CAND1: variants seen among roughly 807,000 people sequenced by gnomAD.
CAND1 encodes cullin associated and neddylation dissociated 1, also known as cullin-associated NEDD8-dissociated protein 1.
Under a neutral mutation model 108.5 loss-of-function variants are expected in CAND1, and 7 were observed. That is an observed-to-expected ratio of 0.06 (90% confidence interval 0.04 to 0.12). CAND1 has a LOEUF of 0.12. Among genes scored for constraint, CAND1 ranks in the 10% least tolerant of loss-of-function variants. The pLI is 1.00. For missense variants in CAND1, 941 were observed against 1,448.7 expected, an observed-to-expected ratio of 0.65 and a Z score of 5.69; for synonymous variants, 534 against 512.0, an observed-to-expected ratio of 1.04 and a Z score of -0.58.
intron 1 of CAND1, chr12:67,270,187 G>T (rs2044506366): frequency 1.1e-5 from 2 of 180,988 alleles, no homozygotes; most frequent in Non-Finnish European, 2.3e-5. Context: ...ATCCTGCGGC[G>T]CTAGGCCGCC....
At chr12:67,298,203 A>G (rs1244066894) in intron 6 of CAND1, among the ~76,000 whole-genome samples, 1 of 152,210 alleles carries the variant, frequency 6.6e-6, no homozygotes, top group Non-Finnish European at 1.5e-5. Context: ...TTGCCTTTTC[A>G]ACAATTTCTT....
intron 11 of CAND1, among the ~76,000 whole-genome samples, chr12:67,308,887 G>A (rs1250772935): frequency 6.6e-6 from 1 of 151,712 alleles, no homozygotes; most frequent in African/African-American, 2.4e-5. Flanking sequence ...TACAGTATCT[G>A]AAGTCTCTCT....
chr12:67,279,200 A>C (rs112673564), intron 1 of CAND1, among the ~76,000 whole-genome samples: 11 of 152,028 alleles, frequency 7.2e-5, no homozygotes, highest in African/African-American at 2.7e-4. Context: ...AGTAATTTAA[A>C]TTCCAAACCA....
Position 67,305,233 on chromosome 12 carries a change from C to T in CAND1, c.1565C>T (p.Pro522Leu), listed in dbSNP as rs2044867646. 4 of 1,614,184 alleles carry T rather than the reference C, an allele frequency of 2.5e-6. No individual in the cohort carries two copies. The highest frequency in any genetic ancestry group is 3.4e-6 in the Non-Finnish European group (4 of 1,180,032). Residue 522 changes from proline to leucine, a missense_variant, in exon 10 of 15, where the codon CCT becomes CTT. Around this residue, in one of 9 missense-constraint regions of CAND1, gnomAD observed 697 missense variants for 942.0 expected, o/e 0.74. Coordinates refer to ENST00000545606, the MANE Select transcript of CAND1 (RefSeq NM_018448.5). This position sits in a 1 kb window ranked among gnomAD's most constrained non-coding sequence, Gnocchi z 4.4. ...CATCCTCACGTTCAGGCTTTGGTTC[C>T]TCCAGTGGTGGCTTGTGTTGGAGAC... is the stretch of plus-strand genomic sequence containing the variant. Reference protein sequence around the residue: ...VFHPHVQALVPPVVACVGDPF... With the variant: ...VFHPHVQALVLPVVACVGDPF...
intron 2 of CAND1, among the ~76,000 whole-genome samples, chr12:67,286,523 ACT>A (rs1168815363): frequency 6.7e-6 from 1 of 148,558 alleles, no homozygotes; most frequent in African/African-American, 2.5e-5. Flanking sequence ...TTCCCTGATA[ACT>A]AATGATGTCA....
At chr12:67,308,252 GA>G (rs893327303) in intron 11 of CAND1, among the ~76,000 whole-genome samples, 6 of 151,538 alleles carry the variant, frequency 4.0e-5, no homozygotes, top group African/African-American at 1.5e-4. Flanking sequence ...GTGCCAGAAA[GA>G]AAAAAAATAC....
At chr12:67,286,511 A>G (rs1592609379) in intron 2 of CAND1, among the ~76,000 whole-genome samples, 1 of 146,918 alleles carries the variant, frequency 6.8e-6, no homozygotes, top group African/African-American at 2.5e-5. Context: ...TTTAATTTCT[A>G]TTTCCCTGAT....
chr12:67,312,251 G>A (rs999841583), intron 14 of CAND1, among the ~76,000 whole-genome samples: 1 of 151,908 alleles, frequency 6.6e-6, no homozygotes, highest in Admixed American at 6.6e-5. Flanking sequence ...TTGAAAAAGT[G>A]AATAATAGAG....
At chr12:67,308,521 G>A (rs2044912860) in intron 11 of CAND1, among the ~76,000 whole-genome samples, 1 of 152,070 alleles carries the variant, frequency 6.6e-6, no homozygotes, top group South Asian at 2.1e-4. Flanking sequence ...CAACCAGTAT[G>A]CATTGTTGAT....
chr12:67,312,533 T>G (rs561362949), intron 14 of CAND1, 73 bp from the exon 15 acceptor site: 2 of 918,960 alleles, frequency 2.2e-6, no homozygotes, highest in South Asian at 1.8e-5. Context: ...CAGGAAGATC[T>G]TATGTGCTTA....
intron 11 of CAND1, among the ~76,000 whole-genome samples, chr12:67,307,803 G>T (rs1320074403): frequency 6.6e-6 from 1 of 151,930 alleles, no homozygotes; most frequent in African/African-American, 2.4e-5. Context: ...AAAGATACTA[G>T]ATTTATATGG....
intron 1 of CAND1, chr12:67,270,200 G>T (rs935824623): frequency 1.2e-5 from 2 of 170,092 alleles, no homozygotes; most frequent in Non-Finnish European, 2.5e-5. Flanking sequence ...AGGCCGCCTT[G>T]CTCGCTGGGG....
intron 1 of CAND1, among the ~76,000 whole-genome samples, chr12:67,275,386 G>A (rs1230906826): frequency 6.6e-6 from 1 of 151,968 alleles, no homozygotes; most frequent in Non-Finnish European, 1.5e-5. Flanking sequence ...AATTAGCCGG[G>A]CATGGTGGTG....
intron 8 of CAND1, 80 bp from the exon 9 acceptor site, chr12:67,304,525 C>T: frequency 7.1e-7 from 1 of 1,411,206 alleles, no homozygotes; most frequent in East Asian, 2.3e-5. Context: ...TCCCTTTATC[C>T]TCATTCTCCA....
Position 67,286,120 on chromosome 12 carries a change from G to C in CAND1, c.212+4067G>C, listed in dbSNP as rs182888968. Among the ~76,000 whole-genome samples the C allele has an allele frequency of 3.7e-3, 569 of 152,106 alleles. 3 individuals carry two copies. The highest frequency in any genetic ancestry group is 0.013 in the African/African-American group (539 of 41,478). On this transcript the variant is annotated intron_variant, in intron 2 of 14. Transcript: ENST00000545606. ...CCTCCCGGGTTCACTCCATTCTCCT[G>C]CCTGAGCCTCCTGACTAGCTGGGAC...
At chr12:67,281,327 C>T (rs1426600591) in intron 1 of CAND1, among the ~76,000 whole-genome samples, 3 of 151,186 alleles carry the variant, frequency 2.0e-5, no homozygotes, top group Non-Finnish European at 2.9e-5. Context: ...AAGACTCCCT[C>T]TACAAAAAAA....
At chr12:67,284,661 A>G (rs2044651353) in intron 2 of CAND1, among the ~76,000 whole-genome samples, 1 of 118,664 alleles carries the variant, frequency 8.4e-6, no homozygotes. Context: ...AAAACATGTA[A>G]CAACATAGGA....
At position 67,269,768 on chromosome 12, in the gene CAND1, C is replaced by T. The variant is rs1012644734; in HGVS notation, c.51C>T (p.Ser17=). The T allele has an allele frequency of 2.5e-6, 4 of 1,606,688 alleles. No homozygotes were observed. The highest frequency in any genetic ancestry group is 3.4e-6 in the Non-Finnish European group (4 of 1,177,644). Reference sequence around the variant, plus strand: ...CCAATTTGCTGGAAAAAATGACATCCAGCGACAAGGACTTTAGGTGAGGCC... The same window carrying T: ...CCAATTTGCTGGAAAAAATGACATCTAGCGACAAGGACTTTAGGTGAGGCC... ...HISNLLEKMT[S]SDKDFRFMAT... The change falls in exon 1 of 15, where the codon TCC becomes TCT. Residue 17 remains serine (S), a synonymous_variant. Transcript: ENST00000545606.
chr12:67,276,786 CAGAT>C (rs1226739131), intron 1 of CAND1, among the ~76,000 whole-genome samples: 1 of 152,200 alleles, frequency 6.6e-6, no homozygotes, highest in African/African-American at 2.4e-5. Context: ...TTATGAGTCT[CAGAT>C]AAGTTTCTGG....
Sources: gnomAD v4.1 joint callset for allele counts (sites outside exome capture counted in the v4.1 genomes callset) on GRCh38, gnomAD v4.1.1 for gene constraint, gnomAD v4.1.1 regional missense constraint, Gnocchi (gnomAD v3.1) non-coding constraint, MANE v1.5 for transcripts, NCBI Gene and HGNC (gene_info 2026-07-23, HGNC 2026-07-21) for gene names.